The following HPSE2 variants were observed in gnomAD, a reference collection of about 807,000 sequenced individuals.
HPSE2 encodes the protein heparanase 2 (inactive).
Under a neutral mutation model 60.5 loss-of-function variants are expected in HPSE2, and 38 were observed. The ratio of observed to expected loss-of-function variants is 0.63; its 90% CI spans 0.48 to 0.82. The LOEUF (loss-of-function observed/expected upper bound fraction) is 0.82. Ranked by LOEUF, HPSE2 falls within the 40% of genes least tolerant of loss-of-function variation. The probability of loss-of-function intolerance (pLI) is 0.00; values close to 1 mark genes in which losing one functional copy is unlikely to be tolerated. For synonymous variants in HPSE2, 295 were observed against 293.2 expected, an observed-to-expected ratio of 1.01 and a Z score of -0.06; for missense variants, 713 against 740.4, an observed-to-expected ratio of 0.96 and a Z score of 0.43.
At chr10:98,515,175 A>G (rs1354791011) in intron 9 of HPSE2, among the ~76,000 whole-genome samples, 1 of 152,110 alleles carries the variant, frequency 6.6e-6, no homozygotes, top group African/African-American at 2.4e-5. Context: ...CATGGAGTGG[A>G]ACTTTAAGGA....
the HPSE2 span, among the ~76,000 whole-genome samples, chr10:99,265,044 G>A: frequency 6.6e-6 from 1 of 152,102 alleles, no homozygotes; most frequent in Non-Finnish European, 1.5e-5. Flanking sequence ...CCTGTGACCT[G>A]CACATATACA....
chr10:99,081,625 T>C (rs976179638), intron 3 of HPSE2, among the ~76,000 whole-genome samples: 1 of 125,976 alleles, frequency 7.9e-6, no homozygotes, highest in Non-Finnish European at 1.8e-5. Context: ...GATGATGAGA[T>C]AATATAATTT....
chr10:99,171,435 GA>G (rs1039658243), intron 2 of HPSE2, among the ~76,000 whole-genome samples: 2 of 150,856 alleles, frequency 1.3e-5, no homozygotes, highest in Non-Finnish European at 3.0e-5. Flanking sequence ...TTAGATGTGG[GA>G]AAAAAAAAGA....
chr10:98,797,145 G>A (rs1950795688), intron 3 of HPSE2, among the ~76,000 whole-genome samples: 1 of 152,144 alleles, frequency 6.6e-6, no homozygotes, highest in Non-Finnish European at 1.5e-5. Flanking sequence ...TGAACTAAAT[G>A]AGGCACCAGA....
chr10:98,545,423 G>A (rs1039262159), intron 9 of HPSE2, among the ~76,000 whole-genome samples: 4 of 152,080 alleles, frequency 2.6e-5, no homozygotes, highest in Middle Eastern at 3.2e-3. Context: ...CTGGCAAATC[G>A]AATCCAGCAG....
At chr10:99,264,483 A>T in the HPSE2 span, among the ~76,000 whole-genome samples, 1 of 151,778 alleles carries the variant, frequency 6.6e-6, no homozygotes, top group African/African-American at 2.4e-5. Flanking sequence ...ACTCACTGCT[A>T]AAAAAAAGGG....
intron 3 of HPSE2, among the ~76,000 whole-genome samples, chr10:98,870,388 CT>C (rs1178407865): frequency 5.9e-5 from 9 of 152,066 alleles, no homozygotes; most frequent in Non-Finnish European, 1.2e-4. Context: ...TTCGGGAAAC[CT>C]TTAAGAAGCA....
intron 3 of HPSE2, among the ~76,000 whole-genome samples, chr10:98,911,613 G>A (rs1953981158): frequency 6.6e-6 from 1 of 152,170 alleles, no homozygotes; most frequent in African/African-American, 2.4e-5. Context: ...GAAATGGGCA[G>A]GAGAGTAATC....
At chr10:99,092,560 C>G (rs1843552618) in intron 3 of HPSE2, among the ~76,000 whole-genome samples, 1 of 152,124 alleles carries the variant, frequency 6.6e-6, no homozygotes. Flanking sequence ...TTCCAAAATG[C>G]TACTACTTCA....
At chr10:98,980,909 T>C (rs1956191651) in intron 3 of HPSE2, among the ~76,000 whole-genome samples, 3 of 152,278 alleles carry the variant, frequency 2.0e-5, no homozygotes, top group African/African-American at 7.2e-5. Context: ...TTTTCCTCTA[T>C]GGCTCAATAT....
At chr10:98,969,451 C>T (rs1955895074) in intron 3 of HPSE2, among the ~76,000 whole-genome samples, 1 of 152,172 alleles carries the variant, frequency 6.6e-6, no homozygotes, top group South Asian at 2.1e-4. Flanking sequence ...CCCAGACTTC[C>T]CCTACGCAAT....
At chr10:98,872,788 T>C (rs933619725) in intron 3 of HPSE2, among the ~76,000 whole-genome samples, 1 of 152,152 alleles carries the variant, frequency 6.6e-6, no homozygotes, top group African/African-American at 2.4e-5. Context: ...TTCTTATCAA[T>C]TCGGAGTACG....
At chr10:99,176,049 TAACA>T (rs1317914271) in intron 2 of HPSE2, among the ~76,000 whole-genome samples, 1 of 152,022 alleles carries the variant, frequency 6.6e-6, no homozygotes, top group African/African-American at 2.4e-5. Flanking sequence ...GAAGGAAAAC[TAACA>T]AACAGAAAGG....
At chr10:98,540,449 T>C (rs1484088035) in intron 9 of HPSE2, among the ~76,000 whole-genome samples, 4 of 152,212 alleles carry the variant, frequency 2.6e-5, no homozygotes, top group South Asian at 2.1e-4. Flanking sequence ...AAAGATGTAG[T>C]AGGCCAAATG....
intron 3 of HPSE2, among the ~76,000 whole-genome samples, chr10:99,120,468 G>A (rs1290578792): frequency 7.7e-6 from 1 of 129,702 alleles, no homozygotes; most frequent in Non-Finnish European, 1.7e-5. Flanking sequence ...TTTAATAATA[G>A]CCATTCTAAT....
At position 98,459,220 on chromosome 10, in the gene HPSE2, T is replaced by C. The variant is rs919577338; in HGVS notation, c.*354A>G. On this transcript the variant is annotated 3_prime_UTR_variant, in exon 12 of 12. Coordinates refer to ENST00000370552, the MANE Select transcript of HPSE2 (RefSeq NM_021828.5). ...AGGCTAAGGTTTGGATTTGTGGTTATAATGCTGTGTGACAGGATCATGGGG... is the reference window on the plus strand; with the variant it reads ...AGGCTAAGGTTTGGATTTGTGGTTACAATGCTGTGTGACAGGATCATGGGG... 2.7e-5 allele frequency: 9 copies of C among 330,302 alleles called. No individual in the cohort carries two copies. Among genetic ancestry groups the C allele is most frequent in the Admixed American group, 7.8e-5 (2 of 25,582 alleles). 20.5% of individuals were successfully genotyped at this position (330,302 alleles called of 1,614,324 possible).
At chr10:98,730,573 A>G (rs992254250) in intron 4 of HPSE2, among the ~76,000 whole-genome samples, 1 of 152,182 alleles carries the variant, frequency 6.6e-6, no homozygotes, top group South Asian at 2.1e-4. Context: ...ACCTTTAGTT[A>G]GACTGACCAC....
At chr10:99,200,192 T>A (rs192948344) in intron 2 of HPSE2, among the ~76,000 whole-genome samples, 2 of 151,810 alleles carry the variant, frequency 1.3e-5, no homozygotes, top group East Asian at 1.9e-4. Context: ...GTGTTTTTTT[T>A]ACCACAATTA....
chr10:98,596,907 TG>T (rs759048749), intron 9 of HPSE2, among the ~76,000 whole-genome samples: 3 of 152,188 alleles, frequency 2.0e-5, no homozygotes, highest in Non-Finnish European at 2.9e-5. Context: ...TACCTGAGAC[TG>T]GGTAATTTAT....
Sources: gnomAD v4.1 joint callset for allele counts (sites outside exome capture counted in the v4.1 genomes callset) on GRCh38, gnomAD v4.1.1 for gene constraint, MANE v1.5 for transcripts, NCBI Gene and HGNC (gene_info 2026-07-23, HGNC 2026-07-21) for gene names.